The following ERBB4 variants were observed in gnomAD, a reference collection of about 807,000 sequenced individuals.
ERBB4 encodes receptor tyrosine-protein kinase erbB-4.
A neutral mutation model predicts 158.0 loss-of-function variants in ERBB4; 42 were observed. The observed-to-expected ratio is 0.27, with a 90% CI of 0.21 to 0.34. The LOEUF (loss-of-function observed/expected upper bound fraction) is 0.34. Among genes scored for constraint, ERBB4 ranks in the 10% least tolerant of loss-of-function variants. The pLI, the probability that ERBB4 is intolerant of heterozygous loss-of-function variation, is 1.00. For missense variants in ERBB4, 1,333 were observed against 1,624.1 expected, an observed-to-expected ratio of 0.82 and a Z score of 3.08; for synonymous variants, 583 against 558.7, an observed-to-expected ratio of 1.04 and a Z score of -0.61.
At chr2:212,401,296 A>G (rs2091196497) in intron 1 of ERBB4, among the ~76,000 whole-genome samples, 1 of 152,154 alleles carries the variant, frequency 6.6e-6, no homozygotes, top group Non-Finnish European at 1.5e-5. Flanking sequence ...TGACTTCCTT[A>G]CAGAGTTATT....
chr2:212,295,958 T>C (rs1257045041), intron 1 of ERBB4, among the ~76,000 whole-genome samples: 2 of 152,034 alleles, frequency 1.3e-5, no homozygotes, highest in African/African-American at 4.8e-5. Context: ...CAGTTAACTC[T>C]TAATGTTTTG....
At chr2:212,099,900 A>G (rs970292456) in intron 2 of ERBB4, among the ~76,000 whole-genome samples, 1 of 151,780 alleles carries the variant, frequency 6.6e-6, no homozygotes, top group Non-Finnish European at 1.5e-5. Context: ...CAGCATACTA[A>G]TTCCATTTTA....
At chr2:212,019,817 A>AAGGG (rs1269790113) in intron 2 of ERBB4, among the ~76,000 whole-genome samples, 25 of 149,418 alleles carry the variant, frequency 1.7e-4, no homozygotes, top group African/African-American at 5.4e-4. Flanking sequence ...GGAAGGAAGG[A>AAGGG]AGGGAGGGAG....
At chr2:212,373,843 G>A (rs62184095) in intron 1 of ERBB4, among the ~76,000 whole-genome samples, 1,371 of 62,632 alleles carry the variant, frequency 0.022, 22 homozygotes, top group South Asian at 0.031. Flanking sequence ...ATATATCCAT[G>A]TATATATCCA....
chr2:211,596,563 ACC>A (rs1001409084), intron 19 of ERBB4, among the ~76,000 whole-genome samples: 1 of 151,874 alleles, frequency 6.6e-6, no homozygotes, highest in African/African-American at 2.4e-5. Context: ...TTCCTAATAA[ACC>A]TCTGCATTCT....
chr2:211,872,324 A>G lies in ERBB4; in HGVS notation c.421+75106T>C, dbSNP rs759766348. Among the ~76,000 whole-genome samples the G allele has an allele frequency of 8.0e-4, 121 of 152,190 alleles. 1 individual carries two copies. Among genetic ancestry groups the G allele is most frequent in the Non-Finnish European group, 1.4e-3 (92 of 68,034 alleles). On this transcript the variant is annotated intron_variant, in intron 3 of 27. Coordinates refer to ENST00000342788, the MANE Select transcript of ERBB4 (RefSeq NM_005235.3). ...AAGTACACAGAGAAAGTATTGTAAG[A>G]GAATTATTTTGCAGTGAGCCTGATA...
intron 3 of ERBB4, among the ~76,000 whole-genome samples, chr2:211,897,743 T>G (rs2079135738): frequency 6.6e-6 from 1 of 152,086 alleles, no homozygotes; most frequent in Admixed American, 6.6e-5. Flanking sequence ...TGTTTTGTTT[T>G]GTTTTTTGCT....
At chr2:211,744,355 G>A (rs1165175819) in intron 5 of ERBB4, among the ~76,000 whole-genome samples, 1 of 152,100 alleles carries the variant, frequency 6.6e-6, no homozygotes, top group Non-Finnish European at 1.5e-5. Flanking sequence ...TTTCTGTCTG[G>A]TAGGTTTGCA....
chr2:212,310,261 T>G (rs988779714), intron 1 of ERBB4, among the ~76,000 whole-genome samples: 5 of 150,666 alleles, frequency 3.3e-5, no homozygotes, highest in Non-Finnish European at 7.5e-5. Flanking sequence ...TATTCAAATA[T>G]CATCACCTTA....
chr2:212,351,342 TA>T (rs2089243465), intron 1 of ERBB4, among the ~76,000 whole-genome samples: 1 of 152,068 alleles, frequency 6.6e-6, no homozygotes, highest in African/African-American at 2.4e-5. Flanking sequence ...CCTCCAGAAC[TA>T]TGGTAAAATA....
At chr2:212,178,614 A>G (rs1056652780) in intron 1 of ERBB4, among the ~76,000 whole-genome samples, 6 of 151,758 alleles carry the variant, frequency 4.0e-5, no homozygotes, top group African/African-American at 1.4e-4. Context: ...ATGGGTAAAA[A>G]TATATATCAT....
At position 212,503,598 on chromosome 2, in the gene ERBB4, A is replaced by C. The variant is rs559733843; in HGVS notation, c.82+34851T>G. 2.0e-5 allele frequency among the ~76,000 whole-genome samples: 3 copies of C among 152,352 alleles called. No individual in the cohort carries two copies. In the South Asian group the frequency reaches 6.2e-4, roughly 32 times the overall value. On this transcript the variant is annotated intron_variant, in intron 1 of 27. Coordinates refer to ENST00000342788, the MANE Select transcript of ERBB4 (RefSeq NM_005235.3). Reference sequence around the variant, plus strand: ...ACTTGATGCATATAATACTTTAAAGAAATCAGTGCAAGCCCCCAAAGGAAA... The same window carrying C: ...ACTTGATGCATATAATACTTTAAAGCAATCAGTGCAAGCCCCCAAAGGAAA...
chr2:212,175,981 T>C (rs2081651430), intron 1 of ERBB4, among the ~76,000 whole-genome samples: 2 of 152,024 alleles, frequency 1.3e-5, no homozygotes, highest in Admixed American at 6.6e-5. Flanking sequence ...TTTTATAAAG[T>C]TGCCTCTATC....
At chr2:211,646,514 G>T (rs1420415319) in intron 16 of ERBB4, among the ~76,000 whole-genome samples, 3 of 151,512 alleles carry the variant, frequency 2.0e-5, no homozygotes, top group Non-Finnish European at 4.4e-5. Flanking sequence ...AATTTTATTT[G>T]TAAGGGAATT....
At chr2:211,676,363 G>A (rs1041942918) in intron 13 of ERBB4, among the ~76,000 whole-genome samples, 1 of 152,128 alleles carries the variant, frequency 6.6e-6, no homozygotes, top group African/African-American at 2.4e-5. Context: ...ATTTTATAAT[G>A]TAAATATGAA....
At chr2:212,003,148 G>GGAAA (rs1327750603) in intron 2 of ERBB4, among the ~76,000 whole-genome samples, 236 of 15,118 alleles carry the variant, frequency 0.016, 2 homozygotes, top group African/African-American at 0.026. Flanking sequence ...AAGGAAGGAA[G>GGAAA]GAAAGAAAGA....
intron 20 of ERBB4, among the ~76,000 whole-genome samples, chr2:211,441,097 G>A (rs1181056168): frequency 6.6e-6 from 1 of 152,036 alleles, no homozygotes; most frequent in Non-Finnish European, 1.5e-5. Context: ...TTGTACCATG[G>A]CTTCTGTTTT....
At chr2:211,709,290 T>C (rs920812446) in intron 9 of ERBB4, among the ~76,000 whole-genome samples, 37 of 142,588 alleles carry the variant, frequency 2.6e-4, no homozygotes, top group Non-Finnish European at 4.3e-4. Context: ...CATATATATA[T>C]ACATATATAT....
intron 20 of ERBB4, among the ~76,000 whole-genome samples, chr2:211,513,588 C>T (rs930338609): frequency 7.2e-5 from 11 of 151,986 alleles, no homozygotes; most frequent in African/African-American, 2.7e-4. Flanking sequence ...GGTGTAATAG[C>T]ATTAAGCTTG....
Sources: allele counts gnomAD v4.1 joint callset (sites outside exome capture counted in the v4.1 genomes callset), GRCh38; gene constraint gnomAD v4.1.1; transcripts MANE v1.5; gene names NCBI Gene and HGNC (gene_info 2026-07-23, HGNC 2026-07-21).